Variants in SLC16A12 observed in about 807,000 individuals in gnomAD.
SLC16A12 encodes the protein solute carrier family 16 member 12.
SLC16A12 carries 17 observed loss-of-function variants against 42.4 expected under a neutral mutation model. The observed-to-expected ratio is 0.40, with a 90% CI of 0.27 to 0.60. The LOEUF (loss-of-function observed/expected upper bound fraction) is 0.60. Ranked by LOEUF, SLC16A12 falls within the 20% of genes least tolerant of loss-of-function variation. SLC16A12 has a pLI of 0.42. For synonymous variants in SLC16A12, 224 were observed against 229.4 expected, an observed-to-expected ratio of 0.98 and a Z score of 0.21; for missense variants, 544 against 623.0, an observed-to-expected ratio of 0.87 and a Z score of 1.35.
intron 2 of SLC16A12, among the ~76,000 whole-genome samples, chr10:89,517,314 CCTTTT>C (rs1401594247): frequency 1.3e-5 from 2 of 151,842 alleles, no homozygotes; most frequent in Non-Finnish European, 1.5e-5. Context: ...TAGAATACCA[CCTTTT>C]CTTTTTTTTT....
Position 89,430,875 on chromosome 10 carries a change from T to G in SLC16A12, c.*2189A>C, listed in dbSNP as rs1353969185. ...TCATGATAAAAAATATGTATAAGAA[T>G]ATTTGTAACTATTCATATTTTTAAA... On this transcript the variant is annotated 3_prime_UTR_variant, in exon 8 of 8. Transcript: ENST00000371790. 1 of 354,120 alleles carries G rather than the reference T, an allele frequency of 2.8e-6. No homozygotes were observed. Among genetic ancestry groups the G allele is most frequent in the African/African-American group, 2.2e-5 (1 of 46,098 alleles). The allele number at this position is 354,120 out of a possible 1,614,324, so 21.9% of individuals were successfully genotyped here. A position where few individuals can be genotyped will look rare whatever the true frequency, so the allele number is the denominator to read the frequency against.
Position 89,441,251 on chromosome 10 carries a change from G to C in SLC16A12, c.305C>G (p.Ala102Gly). 1 of 1,614,058 alleles carries C rather than the reference G, an allele frequency of 6.2e-7. No individual in the cohort carries two copies. The highest frequency in any genetic ancestry group is 8.5e-7 in the Non-Finnish European group (1 of 1,179,968). The change falls in exon 5 of 8, where the codon GCT (alanine) becomes GGT (glycine). Residue 102 changes from alanine to glycine, a missense_variant and splice_region_variant. Coordinates refer to ENST00000371790, the MANE Select transcript of SLC16A12 (RefSeq NM_213606.4). ...SIVDCVTMLC[A>G]PLGSVVSNHL... ...GTTACTGACAACACTCCCAAGTGGA[G>C]CTTCAAAAACAATAAGAAATAGGTT...
intron 2 of SLC16A12, among the ~76,000 whole-genome samples, chr10:89,543,333 C>T (rs1843726812): frequency 2.0e-5 from 3 of 152,090 alleles, no homozygotes; most frequent in Admixed American, 6.6e-5. Flanking sequence ...CCTTCCCATC[C>T]AACTCTAGTG....
chr10:89,525,734 G>C (rs1186359303), intron 2 of SLC16A12, among the ~76,000 whole-genome samples: 1 of 152,144 alleles, frequency 6.6e-6, no homozygotes, highest in African/African-American at 2.4e-5. Context: ...GAGCCGGCTG[G>C]CATTGAGGGT....
chr10:89,524,455 AGCAGT>A (rs1843415287), intron 2 of SLC16A12, among the ~76,000 whole-genome samples: 1 of 152,210 alleles, frequency 6.6e-6, no homozygotes, highest in Non-Finnish European at 1.5e-5. Context: ...TCCGAAGATG[AGCAGT>A]GCTTTCAATT....
chr10:89,439,146 G>A lies in SLC16A12; in HGVS notation c.486C>T (p.Ala162=), dbSNP rs1467941700. The A allele has an allele frequency of 6.2e-7, 1 of 1,614,012 alleles. No individual in the cohort carries two copies. Among genetic ancestry groups the A allele is most frequent in the Non-Finnish European group, 8.5e-7 (1 of 1,180,030 alleles). ...GFALCYSPAI[A]MVGKYFSRRK... is the part of the protein sequence containing the mutation. ...GTCTGCTGAAGTACTTGCCAACCAT[G>A]GCAATAGCTGGAGAGTAACAAAGTG... Residue 162 remains alanine (A), a synonymous_variant, in exon 6 of 8, where the codon GCC becomes GCT. Transcript: ENST00000371790.
chr10:89,551,826 A>C (rs909358773), intron 2 of SLC16A12, among the ~76,000 whole-genome samples: 31 of 152,300 alleles, frequency 2.0e-4, no homozygotes, highest in Admixed American at 1.0e-3. Flanking sequence ...AGTCCAATTA[A>C]ACTTCTTTTT....
At position 89,519,408 on chromosome 10, in the gene SLC16A12, A is replaced by C. The variant is rs1338230825; in HGVS notation, c.-47+15093T>G. Among the ~76,000 whole-genome samples the C allele has an allele frequency of 3.3e-5, 5 of 152,280 alleles. No individual in the cohort carries two copies. In the East Asian group the frequency reaches 9.6e-4, roughly 29 times the overall value. ...GAAAAAAAAATACCCTATCAGCAAA[A>C]ACTGGTATCTCCCACTTCGTTTTCC... is the stretch of plus-strand genomic sequence containing the variant. On this transcript the variant is annotated intron_variant, in intron 2 of 7. Coordinates refer to ENST00000371790, the MANE Select transcript of SLC16A12 (RefSeq NM_213606.4).
intron 4 of SLC16A12, among the ~76,000 whole-genome samples, chr10:89,443,550 C>G (rs919594450): frequency 2.6e-5 from 4 of 152,250 alleles, no homozygotes; most frequent in Admixed American, 2.6e-4. Context: ...TACCTGACAT[C>G]AGCCAAGACC....
intron 2 of SLC16A12, among the ~76,000 whole-genome samples, chr10:89,542,950 G>A (rs1843723679): frequency 6.6e-6 from 1 of 152,176 alleles, no homozygotes; most frequent in Admixed American, 6.5e-5. Flanking sequence ...AAGTCGCCAT[G>A]CACATTCCTA....
chr10:89,448,072 C>T (rs79132230), intron 3 of SLC16A12, among the ~76,000 whole-genome samples: 2,648 of 152,246 alleles, frequency 0.017, 80 homozygotes, highest in African/African-American at 0.06. Flanking sequence ...GAAGCTGAAT[C>T]CCTGAATAGA....
chr10:89,534,001 A>G (rs1843604362), intron 2 of SLC16A12, among the ~76,000 whole-genome samples: 1 of 152,240 alleles, frequency 6.6e-6, no homozygotes, highest in African/African-American at 2.4e-5. Context: ...AGTTAACAGT[A>G]TGAATTCAGC....
intron 2 of SLC16A12, among the ~76,000 whole-genome samples, chr10:89,474,016 C>G (rs72816720): frequency 0.068 from 10,287 of 152,212 alleles, 503 homozygotes; most frequent in East Asian, 0.22. Context: ...AAATTTCTTT[C>G]AACTCACTGA....
In SLC16A12 at chr10:89,430,840, TTTG is replaced by T. The variant is rs147072500; in HGVS notation, c.*2221_*2223del. On this transcript the variant is annotated 3_prime_UTR_variant, in exon 8 of 8. Transcript: ENST00000371790. ...TATTGCAGAACCACATAAACAAAAT[TTTG>T]TTGTGATCATGATAAAAAATATGTA... The T allele has an allele frequency of 3.1e-4, 122 of 393,728 alleles. No individual in the cohort carries two copies. The highest frequency in any genetic ancestry group is 4.7e-4 in the Non-Finnish European group (94 of 199,576). The allele number at this position is 393,728 out of a possible 1,614,324, so 24.4% of individuals were successfully genotyped here.
chr10:89,500,106 G>A (rs1432319128), intron 2 of SLC16A12, among the ~76,000 whole-genome samples: 1 of 151,844 alleles, frequency 6.6e-6, no homozygotes, highest in Non-Finnish European at 1.5e-5. Context: ...GGAAGAATTA[G>A]AAACCCACCA....
At chr10:89,466,690 T>C (rs1842405635) in intron 2 of SLC16A12, among the ~76,000 whole-genome samples, 2 of 152,154 alleles carry the variant, frequency 1.3e-5, no homozygotes, top group Non-Finnish European at 2.9e-5. Context: ...GTGGCAGCCA[T>C]GAGATGGAGC....
At position 89,433,188 on chromosome 10, in the gene SLC16A12, T is replaced by G. The variant is rs748842206; in HGVS notation, c.1427A>C (p.Lys476Thr). 1.3e-5 allele frequency: 21 copies of G among 1,614,082 alleles called. No homozygotes were observed. The South Asian group carries it at 2.3e-4, about 18-fold the overall frequency. ...TAGCTGCAGCTTAGGATCAGATTCT[T>G]TGGCAATGAACTGCAACTGGGTTTT... ...MRKTQLQFIAKESDPKLQLWT... is the reference protein window; with the variant it reads ...MRKTQLQFIATESDPKLQLWT... Residue 476 changes from lysine to threonine, a missense_variant, in exon 8 of 8, where the codon AAA (lysine) becomes ACA (threonine). Transcript: ENST00000371790.
chr10:89,441,331 G>A, intron 4 of SLC16A12, 80 bp from the exon 5 acceptor site: 1 of 1,573,052 alleles, frequency 6.4e-7, no homozygotes, highest in Non-Finnish European at 8.7e-7. Context: ...ATTGACAGAG[G>A]AGAGAACCTT....
At chr10:89,554,736 T>C (rs1265858794) in intron 2 of SLC16A12, among the ~76,000 whole-genome samples, 1 of 152,158 alleles carries the variant, frequency 6.6e-6, no homozygotes, top group Admixed American at 6.5e-5. Context: ...GCTGATGAGA[T>C]GGGAGCAACC....
Sources: allele counts gnomAD v4.1 joint callset (sites outside exome capture counted in the v4.1 genomes callset), GRCh38; gene constraint gnomAD v4.1.1; transcripts MANE v1.5; gene names NCBI Gene and HGNC (gene_info 2026-07-23, HGNC 2026-07-21).